ZCCHC7: variants seen among roughly 807,000 people sequenced by gnomAD.
ZCCHC7 encodes the protein zinc finger CCHC-type containing 7.
A neutral mutation model predicts 52.0 loss-of-function variants in ZCCHC7; 35 were observed. That is an observed-to-expected ratio of 0.67 (90% CI 0.51 to 0.89). The LOEUF (loss-of-function observed/expected upper bound fraction) is 0.89. Among genes scored for constraint, ZCCHC7 ranks in the 40% least tolerant of loss-of-function variants. The pLI is 0.00. For missense variants in ZCCHC7, 574 were observed against 649.1 expected, an observed-to-expected ratio of 0.88 and a Z score of 1.26; for synonymous variants, 217 against 221.5, an observed-to-expected ratio of 0.98 and a Z score of 0.18.
intron 2 of ZCCHC7, among the ~76,000 whole-genome samples, chr9:37,150,398 T>A (rs545650919): frequency 1.3e-5 from 2 of 152,362 alleles, no homozygotes; most frequent in East Asian, 3.8e-4. Flanking sequence ...TTGGATATAT[T>A]AAATCTGAAA....
intron 2 of ZCCHC7, among the ~76,000 whole-genome samples, chr9:37,161,648 C>T (rs1821114739): frequency 6.6e-6 from 1 of 152,070 alleles, no homozygotes; most frequent in South Asian, 2.1e-4. Flanking sequence ...TCACTTTGTA[C>T]ATTAATAATC....
At chr9:37,265,035 CTGTATCCCATCAGGAGAGA>C (rs911203213) in intron 2 of ZCCHC7, among the ~76,000 whole-genome samples, 6 of 152,150 alleles carry the variant, frequency 3.9e-5, no homozygotes, top group Admixed American at 3.9e-4. Context: ...CCTAGGAAAC[CTGTATCCCATCAGGAGAGA>C]AAACAGATGT....
rs1027397114 is a variant in ZCCHC7 at position 37,195,804 on chromosome 9, T to C, written c.610+68862T>C. On this transcript the variant is annotated intron_variant, in intron 2 of 8. Transcript: ENST00000336755. ...AGTCCAAATTCTGAGGAGTAACTTATACTAGGTTGGTAATGGTACTACTGC... is the reference window on the plus strand; with the variant it reads ...AGTCCAAATTCTGAGGAGTAACTTACACTAGGTTGGTAATGGTACTACTGC... Among the ~76,000 whole-genome samples the C allele has an allele frequency of 3.3e-5, 5 of 152,300 alleles. No individual in the cohort carries two copies. In the East Asian group the frequency reaches 5.8e-4, roughly 18 times the overall value.
At chr9:37,120,365 G>T (rs1842246660), upstream of ZCCHC7, among the ~76,000 whole-genome samples, 2 of 152,252 alleles carry the variant, frequency 1.3e-5, no homozygotes, top group African/African-American at 4.8e-5. Context: ...TTGGGAAGGG[G>T]AAGGGGGAAA....
In ZCCHC7 at chr9:37,349,433, A is replaced by T; in HGVS notation, c.1064A>T (p.Gln355Leu). Residue 355 changes from glutamine to leucine, a missense_variant, in exon 7 of 9, where the codon CAA becomes CTA. Gln to Leu is a moderately radical substitution (Grantham distance 113, BLOSUM62 -2). Around this residue, in one of 3 missense-constraint regions of ZCCHC7, gnomAD observed 403 missense variants for 461.2 expected, o/e 0.87. Transcript: ENST00000336755. ...TTAGCATATTGCTATCACTGCGCGC[A>T]AAAAGGCCATTATGGACACGTAAGT... is the stretch of plus-strand genomic sequence containing the variant. ...SALAYCYHCAQKGHYGHECPE... is the reference protein window; with the variant it reads ...SALAYCYHCALKGHYGHECPE... 1 of 1,613,918 alleles carries T rather than the reference A, an allele frequency of 6.2e-7. No homozygotes were observed. The highest frequency in any genetic ancestry group is 1.7e-4 in the Middle Eastern group (1 of 6,058).
At chr9:37,225,988 G>A (rs1174381249) in intron 2 of ZCCHC7, among the ~76,000 whole-genome samples, 1 of 152,074 alleles carries the variant, frequency 6.6e-6, no homozygotes, top group Non-Finnish European at 1.5e-5. Flanking sequence ...CAGACGAAAT[G>A]GAAAGAAAAA....
At chr9:37,312,123 A>G (rs1048224302) in intron 5 of ZCCHC7, among the ~76,000 whole-genome samples, 7 of 152,350 alleles carry the variant, frequency 4.6e-5, no homozygotes, top group Non-Finnish European at 1.0e-4. Context: ...TTACTCAGAT[A>G]TGACTGGCCA....
chr9:37,144,818 C>T (rs1021790244), intron 2 of ZCCHC7: 9 of 151,902 alleles, frequency 5.9e-5, no homozygotes, highest in African/African-American at 2.2e-4. Context: ...TCTAATTTGA[C>T]CTGTTACTGT....
At position 37,145,710 on chromosome 9, in the gene ZCCHC7, A is replaced by G. The variant is rs191844015; in HGVS notation, c.610+18768A>G. 2.5e-3 allele frequency among the ~76,000 whole-genome samples: 386 copies of G among 152,062 alleles called. 1 individual carries two copies. Among genetic ancestry groups the G allele is most frequent in the Non-Finnish European group, 3.4e-3 (229 of 67,836 alleles). On this transcript the variant is annotated intron_variant, in intron 2 of 8. Coordinates refer to ENST00000336755, the MANE Select transcript of ZCCHC7 (RefSeq NM_032226.3). ...TTTTAAAACTACTTATTAGATTGGTAGTTGCTTTAGATCCTTAACTTAAAA... is the reference window on the plus strand; with the variant it reads ...TTTTAAAACTACTTATTAGATTGGTGGTTGCTTTAGATCCTTAACTTAAAA...
At chr9:37,186,537 A>G (rs1822664844) in intron 2 of ZCCHC7, among the ~76,000 whole-genome samples, 1 of 152,204 alleles carries the variant, frequency 6.6e-6, no homozygotes, top group South Asian at 2.1e-4. Context: ...TTATGACATT[A>G]TACTGTTTAA....
intron 2 of ZCCHC7, among the ~76,000 whole-genome samples, chr9:37,272,880 T>C (rs1027049330): frequency 2.0e-5 from 3 of 152,240 alleles, no homozygotes; most frequent in South Asian, 2.1e-4. Flanking sequence ...AGTATTCTAT[T>C]GTATGATTGC....
At chr9:37,122,931 C>T (rs886746611) in intron 1 of ZCCHC7, among the ~76,000 whole-genome samples, 1 of 152,174 alleles carries the variant, frequency 6.6e-6, no homozygotes, top group Non-Finnish European at 1.5e-5. Context: ...AACGAGACTC[C>T]GTCTCAAGGG....
chr9:37,285,948 C>T (rs1478865534), intron 2 of ZCCHC7, among the ~76,000 whole-genome samples: 1 of 152,162 alleles, frequency 6.6e-6, no homozygotes, highest in Non-Finnish European at 1.5e-5. Flanking sequence ...TGTAAAATCT[C>T]AGTCAAGTTT....
intron 2 of ZCCHC7, among the ~76,000 whole-genome samples, chr9:37,254,417 C>T (rs1276285880): frequency 6.6e-6 from 1 of 151,798 alleles, no homozygotes; most frequent in Non-Finnish European, 1.5e-5. Flanking sequence ...TGGTTTGAAT[C>T]TCATCTGGGA....
At chr9:37,167,805 A>G (rs1005857814) in intron 2 of ZCCHC7, among the ~76,000 whole-genome samples, 8 of 152,190 alleles carry the variant, frequency 5.3e-5, no homozygotes, top group Non-Finnish European at 8.8e-5. Context: ...TTACTGCTCT[A>G]TGCAACATCA....
At chr9:37,268,779 T>C (rs1014315675) in intron 2 of ZCCHC7, among the ~76,000 whole-genome samples, 3 of 152,220 alleles carry the variant, frequency 2.0e-5, no homozygotes, top group African/African-American at 7.2e-5. Context: ...TGTGAAACTT[T>C]ATTGTTGTCA....
At chr9:37,307,730 A>G (rs1829394406) in intron 5 of ZCCHC7, among the ~76,000 whole-genome samples, 1 of 150,408 alleles carries the variant, frequency 6.6e-6, no homozygotes, top group African/African-American at 2.5e-5. Flanking sequence ...ATTTCAGATT[A>G]AAACAGATTA....
intron 2 of ZCCHC7, among the ~76,000 whole-genome samples, chr9:37,146,039 A>G (rs1588375336): frequency 1.3e-5 from 2 of 152,044 alleles, no homozygotes; most frequent in South Asian, 2.1e-4. Flanking sequence ...TTTAAACATT[A>G]GAAATGATAA....
intron 2 of ZCCHC7, among the ~76,000 whole-genome samples, chr9:37,205,986 A>G (rs1050865805): frequency 7.3e-5 from 11 of 151,588 alleles, no homozygotes; most frequent in African/African-American, 1.9e-4. Flanking sequence ...CCCCTTAGTC[A>G]TTATTAAATG....
Sources: allele counts gnomAD v4.1 joint callset (sites outside exome capture counted in the v4.1 genomes callset), GRCh38; gene constraint gnomAD v4.1.1; regional missense constraint gnomAD v4.1.1; transcripts MANE v1.5; gene names NCBI Gene and HGNC (gene_info 2026-07-23, HGNC 2026-07-21).